CARS2: variants seen among roughly 807,000 people sequenced by gnomAD.
CARS2 encodes the protein probable cysteine--tRNA ligase, mitochondrial.
A neutral mutation model predicts 68.8 loss-of-function variants in CARS2; 52 were observed. That is an observed-to-expected ratio of 0.76 (90% CI 0.61 to 0.95). CARS2 has a LOEUF of 0.95. CARS2 is among the 40% of genes least tolerant of loss of function. CARS2 has a pLI of 0.00. For missense variants in CARS2, 780 were observed against 754.2 expected (o/e 1.03, Z -0.40); for synonymous variants, 314 against 303.6 (o/e 1.03, Z -0.36).
chr13:110,713,110 A>G (rs2139961623), intron 1 of CARS2: 1 of 1,435,962 alleles, frequency 7.0e-7, no homozygotes, highest in Admixed American at 2.8e-5. Flanking sequence ...GGTTTCTAGT[A>G]GTAAGAGTCC....
At chr13:110,712,569 C>G (rs1275452859) in intron 1 of CARS2, 1 of 319,364 alleles carries the variant, frequency 3.1e-6, no homozygotes, top group Non-Finnish European at 6.1e-6. Context: ...GCCTAGGCAA[C>G]GGGCTCGCGT....
intron 13 of CARS2, chr13:110,643,523 TG>T (rs935394692): frequency 1.3e-5 from 2 of 153,370 alleles, no homozygotes; most frequent in African/African-American, 4.8e-5. Flanking sequence ...CACACCTGCT[TG>T]GGCCCCAGTC....
At chr13:110,709,429 C>G (rs1337965458), upstream of CARS2, among the ~76,000 whole-genome samples, 1 of 152,024 alleles carries the variant, frequency 6.6e-6, no homozygotes, top group African/African-American at 2.4e-5. Context: ...TGCGGATCAT[C>G]AAAACAAGGA....
chr13:110,687,001 T>C (rs1304209145), intron 5 of CARS2, among the ~76,000 whole-genome samples: 1 of 152,100 alleles, frequency 6.6e-6, no homozygotes, highest in Admixed American at 6.6e-5. Flanking sequence ...GAAAAAACGA[T>C]AGCCAAACAG....
chr13:110,697,406 T>C (rs2063654279), intron 3 of CARS2, among the ~76,000 whole-genome samples: 1 of 152,222 alleles, frequency 6.6e-6, no homozygotes, highest in South Asian at 2.1e-4. Context: ...TCAAATAAAC[T>C]GTTCCCCCTT....
chr13:110,643,968 C>T (rs911058427), intron 13 of CARS2: 4 of 460,070 alleles, frequency 8.7e-6, no homozygotes, highest in Admixed American at 3.8e-5. Flanking sequence ...TCGTGCCTGT[C>T]GGGGAGCCCG....
intron 9 of CARS2, 23 bp downstream of exon 9, chr13:110,663,428 A>G: frequency 6.2e-7 from 1 of 1,607,732 alleles, no homozygotes; most frequent in Non-Finnish European, 8.5e-7. Flanking sequence ...CACCTCAGAG[A>G]TACAATACAA....
rs570568500 is a variant in CARS2, at chr13:110,647,219, C to A, written c.1075G>T (p.Ala359Ser). Residue 359 changes from alanine (A) to serine (S), a missense_variant, in exon 11 of 15, where the codon GCC becomes TCC. Ala to Ser is a moderately conservative substitution (Grantham distance 99). Transcript: ENST00000257347. ...AGCAGCTGCTGAGCTTGGAGCATGG[C>A]GCTGTCACTGTAGTCGATGGCTGAG... is the stretch of plus-strand genomic sequence containing the variant. ...YRSAIDYSDS[A>S]MLQAQQLLLG... The A allele has an allele frequency of 2.5e-6, 4 of 1,612,996 alleles. No homozygotes were observed. Among genetic ancestry groups the A allele is most frequent in the Non-Finnish European group, 3.4e-6 (4 of 1,179,756 alleles).
chr13:110,647,733 T>G (rs1479877918), intron 10 of CARS2, among the ~76,000 whole-genome samples: 1 of 152,264 alleles, frequency 6.6e-6, no homozygotes, highest in Non-Finnish European at 1.5e-5. Context: ...CTTTAGAGTC[T>G]GTGGGTGTTT....
intron 3 of CARS2, chr13:110,697,872 C>G: frequency 2.3e-6 from 1 of 443,792 alleles, no homozygotes; most frequent in Non-Finnish European, 4.5e-6. Context: ...GGGAGACTAC[C>G]CAGTTATGAG....
At chr13:110,703,510 T>C (rs566189502) in intron 2 of CARS2, among the ~76,000 whole-genome samples, 3 of 152,332 alleles carry the variant, frequency 2.0e-5, no homozygotes, top group East Asian at 3.9e-4. Context: ...ACTTAAGATG[T>C]GTATTCTTTT....
rs2063110490 is a variant in CARS2, at chr13:110,679,996, G to A, written c.656-2893C>T. ...AATATGGAAGCCAACTCCTTGTTCT[G>A]AAAACTGGTAAGTTAAGGAAAAGGT... is the stretch of plus-strand genomic sequence containing the variant. On this transcript the variant is annotated intron_variant, in intron 6 of 14. Transcript: ENST00000257347. Among the ~76,000 whole-genome samples the A allele has an allele frequency of 1.3e-5, 2 of 152,204 alleles. 1 individual carries two copies.
At chr13:110,712,404 A>AG (rs2064037879) in intron 1 of CARS2, 1 of 187,754 alleles carries the variant, frequency 5.3e-6, no homozygotes, top group Non-Finnish European at 1.1e-5. Flanking sequence ...GCCACCCCGG[A>AG]GGGGACCCGC....
chr13:110,658,505 G>A (rs1378979313), intron 9 of CARS2, among the ~76,000 whole-genome samples: 2 of 152,134 alleles, frequency 1.3e-5, no homozygotes, highest in African/African-American at 2.4e-5. Context: ...TAACTTTTAT[G>A]TTACGTGGTT....
rs1324528918 is a variant in CARS2 at position 110,705,977 on chromosome 13, C to T, written c.117G>A (p.Gly39=). The T allele has an allele frequency of 6.6e-7, 1 of 1,511,220 alleles. No homozygotes were observed. Among genetic ancestry groups the T allele is most frequent in the Non-Finnish European group, 8.8e-7 (1 of 1,134,106 alleles). The allele number at this position is 1,511,220 out of a possible 1,614,324, so 93.6% of individuals were successfully genotyped here. Residue 39 remains glycine, a synonymous_variant, in exon 1 of 15, where the codon GGG becomes GGA. Coordinates refer to ENST00000257347, the MANE Select transcript of CARS2 (RefSeq NM_024537.4). This position sits in a 1 kb window ranked among gnomAD's most constrained non-coding sequence, Gnocchi z 4.0. The part of the protein sequence containing the change: ...PAGRAASGGR[G]RAWLQPTGRE... ...GGCCCGTGGGCTGCAGCCAGGCCCG[C>T]CCGCGCCCCCCGCTCGCCGCCCGGC...
chr13:110,660,698 TG>T (rs1291369844), intron 9 of CARS2, among the ~76,000 whole-genome samples: 1 of 152,098 alleles, frequency 6.6e-6, no homozygotes, highest in Non-Finnish European at 1.5e-5. Context: ...TGTAAATGGA[TG>T]TGCTGTCATA....
chr13:110,674,297 T>C lies in CARS2; in HGVS notation c.785+2677A>G, dbSNP rs113193486. Reference sequence around the variant, plus strand: ...CAAAAGAACAAAGCTGGAGGCATCATGCTACCTGACTTCAAACTATACTAC... The same window carrying C: ...CAAAAGAACAAAGCTGGAGGCATCACGCTACCTGACTTCAAACTATACTAC... On this transcript the variant is annotated intron_variant, in intron 7 of 14. Coordinates refer to ENST00000257347, the MANE Select transcript of CARS2 (RefSeq NM_024537.4). 4.8e-3 allele frequency among the ~76,000 whole-genome samples: 723 copies of C among 152,062 alleles called. 3 individuals carry two copies. Among genetic ancestry groups the C allele is most frequent in the Middle Eastern group, 6.8e-3 (2 of 294 alleles).
chr13:110,663,742 A>C, intron 8 of CARS2: 8 of 1,286,494 alleles, frequency 6.2e-6, no homozygotes, highest in Non-Finnish European at 7.8e-6. Context: ...CCCCACACTG[A>C]GAGCAGATGG....
At chr13:110,692,970 T>C (rs987419110) in intron 3 of CARS2, among the ~76,000 whole-genome samples, 1 of 149,842 alleles carries the variant, frequency 6.7e-6, no homozygotes, top group Non-Finnish European at 1.5e-5. Flanking sequence ...ATTAGCTGGG[T>C]GTGGTGGTGG....
Sources: allele counts gnomAD v4.1 joint callset (sites outside exome capture counted in the v4.1 genomes callset), GRCh38; gene constraint gnomAD v4.1.1; non-coding constraint Gnocchi (gnomAD v3.1); transcripts MANE v1.5; gene names NCBI Gene and HGNC (gene_info 2026-07-23, HGNC 2026-07-21).